The following MSANTD5 variants were observed in gnomAD, a reference collection of about 807,000 sequenced individuals.
The protein encoded by MSANTD5 is Myb/SANT DNA binding domain containing 5, also known as uncharacterized protein MSANTD5.
At chr5:178,704,905 G>A in the MSANTD5 span, among the ~76,000 whole-genome samples, 1 of 152,206 alleles carries the variant, frequency 6.6e-6, no homozygotes, top group Non-Finnish European at 1.5e-5. Context: ...AGTGGAGACA[G>A]AGGGGCCACA....
At chr5:178,704,549 C>T in the MSANTD5 span, among the ~76,000 whole-genome samples, 1 of 152,142 alleles carries the variant, frequency 6.6e-6, no homozygotes, top group Non-Finnish European at 1.5e-5. Context: ...TATAACATAG[C>T]CAGTTTGTGG....
At chr5:178,694,366 G>T (rs115212944), downstream of MSANTD5, among the ~76,000 whole-genome samples, 674 of 146,250 alleles carry the variant, frequency 4.6e-3, 6 homozygotes, top group African/African-American at 0.016. Context: ...GCCAGGAAAT[G>T]AAGGCAGGAT....
chr5:178,703,055 C>A, the MSANTD5 span, among the ~76,000 whole-genome samples: 13 of 152,212 alleles, frequency 8.5e-5, no homozygotes, highest in Admixed American at 7.8e-4. Context: ...AGAGAGCACC[C>A]GAGAGAACAG....
chr5:178,702,090 A>AT (rs1765492162), upstream of MSANTD5, among the ~76,000 whole-genome samples: 1 of 150,960 alleles, frequency 6.6e-6, no homozygotes, highest in African/African-American at 2.4e-5. Flanking sequence ...ACTAAAAAAA[A>AT]AAAAAATAAA....
At chr5:178,698,682 T>C (rs1418803179), upstream of MSANTD5, among the ~76,000 whole-genome samples, 2 of 151,110 alleles carry the variant, frequency 1.3e-5, no homozygotes, top group Non-Finnish European at 1.5e-5. Flanking sequence ...TGGGCTGAAG[T>C]GATCCTACTG....
the MSANTD5 span, among the ~76,000 whole-genome samples, chr5:178,705,062 T>C: frequency 6.6e-6 from 1 of 152,012 alleles, no homozygotes; most frequent in South Asian, 2.1e-4. Context: ...TCTTTTTTTT[T>C]TTTTGAGACG....
At chr5:178,703,460 T>G in the MSANTD5 span, among the ~76,000 whole-genome samples, 1 of 152,200 alleles carries the variant, frequency 6.6e-6, no homozygotes, top group Non-Finnish European at 1.5e-5. Context: ...AGCCTAATGG[T>G]CCAGTATATG....
chr5:178,702,303 T>TTC (rs530472373), upstream of MSANTD5, among the ~76,000 whole-genome samples: 878 of 142,974 alleles, frequency 6.1e-3, 4 homozygotes, highest in African/African-American at 0.021. Context: ...TTTTTTTTCT[T>TTC]TTTTTTTTTT....
chr5:178,701,895 G>A (rs1193398060), upstream of MSANTD5, among the ~76,000 whole-genome samples: 2 of 150,752 alleles, frequency 1.3e-5, no homozygotes, highest in Non-Finnish European at 3.0e-5. Flanking sequence ...CACCATGCCC[G>A]GCTAATTTTG....
At chr5:178,703,980 CAA>C in the MSANTD5 span, among the ~76,000 whole-genome samples, 12 of 60,252 alleles carry the variant, frequency 2.0e-4, no homozygotes, top group Admixed American at 7.6e-4. Context: ...GACTCCGTCT[CAA>C]AAAAAAAAAA....
At chr5:178,701,973 T>C (rs1281513725), upstream of MSANTD5, among the ~76,000 whole-genome samples, 4 of 150,782 alleles carry the variant, frequency 2.7e-5, no homozygotes, top group African/African-American at 9.7e-5. Flanking sequence ...CCTCAGGTGA[T>C]CCACCCGCCT....
upstream of MSANTD5, among the ~76,000 whole-genome samples, chr5:178,701,029 A>G (rs6870637): frequency 0.22 from 32,980 of 151,856 alleles, 4,189 homozygotes; most frequent in South Asian, 0.36. Flanking sequence ...GCTGGAGTGC[A>G]GTGGCGCGAT....
At chr5:178,696,398 GT>G (rs1334064238) in intron 1 of MSANTD5, among the ~76,000 whole-genome samples, 2 of 151,912 alleles carry the variant, frequency 1.3e-5, no homozygotes, top group Non-Finnish European at 2.9e-5. Flanking sequence ...AATATTTGGT[GT>G]TTTTTTAGTA....
chr5:178,705,781 C>G, the MSANTD5 span, among the ~76,000 whole-genome samples: 4 of 152,042 alleles, frequency 2.6e-5, no homozygotes. Flanking sequence ...CACAGTGAAA[C>G]CCCATCTCTA....
chr5:178,696,416 T>G (rs6877396), intron 1 of MSANTD5, among the ~76,000 whole-genome samples: 38,159 of 151,742 alleles, frequency 0.25, 5,853 homozygotes, highest in African/African-American at 0.43. Flanking sequence ...AGTAGAGACG[T>G]TGTTTCACCT....
At chr5:178,699,584 A>G (rs1488502685), upstream of MSANTD5, among the ~76,000 whole-genome samples, 1 of 151,840 alleles carries the variant, frequency 6.6e-6, no homozygotes, top group Non-Finnish European at 1.5e-5. Flanking sequence ...GCTTATTTTC[A>G]TATTTCTAGT....
the MSANTD5 span, chr5:178,707,216 T>C: frequency 6.6e-6 from 1 of 152,058 alleles, no homozygotes; most frequent in Non-Finnish European, 1.5e-5. Flanking sequence ...AATAGAAGAA[T>C]ATCGAATGAC....
At chr5:178,701,921 C>T (rs1007690461), upstream of MSANTD5, among the ~76,000 whole-genome samples, 5 of 150,536 alleles carry the variant, frequency 3.3e-5, no homozygotes, top group Non-Finnish European at 5.9e-5. Context: ...TTAGTAGAAA[C>T]GGGGTTTCTC....
chr5:178,692,182 C>A (rs980336169), downstream of MSANTD5, among the ~76,000 whole-genome samples: 6 of 132,638 alleles, frequency 4.5e-5, 1 homozygote, highest in Non-Finnish European at 8.5e-5. Context: ...GAGTTCGAGA[C>A]AAGCCTGGCC....
Sources: gnomAD v4.1 joint callset for allele counts (sites outside exome capture counted in the v4.1 genomes callset) on GRCh38, gnomAD v4.1.1 for gene constraint, MANE v1.5 for transcripts, NCBI Gene and HGNC (gene_info 2026-07-23, HGNC 2026-07-21) for gene names.